Variants in PSG8 observed in about 807,000 individuals in gnomAD.
PSG8 encodes pregnancy specific beta-1-glycoprotein 8, also known as pregnancy-specific beta-1-glycoprotein 8.
In PSG8, 57 loss-of-function variants were observed where a neutral mutation model predicts 42.5. The observed-to-expected ratio is 1.34, with a 90% CI of 1.08 to 1.67. The LOEUF is 1.67. Ranked by LOEUF, PSG8 falls within the 40% of genes most tolerant of loss-of-function variation. The probability of loss-of-function intolerance (pLI) is 0.00; values close to 1 mark genes in which losing one functional copy is unlikely to be tolerated. For missense variants in PSG8, 783 were observed against 518.6 expected (o/e 1.51, Z -4.95); for synonymous variants, 280 against 196.8 (o/e 1.42, Z -3.54).
intron 2 of PSG8, 93 bp from the exon 3 acceptor site, chr19:42,758,373 A>G (rs1365368747): frequency 6.5e-7 from 1 of 1,545,668 alleles, no homozygotes; most frequent in South Asian, 1.3e-5. Flanking sequence ...CCCACCTCTC[A>G]GCCCACCCAA....
downstream of PSG8, chr19:42,753,805 C>T: frequency 2.4e-6 from 1 of 424,742 alleles, no homozygotes; most frequent in South Asian, 1.9e-5. Flanking sequence ...GAAATGTGTC[C>T]TGTTACAAAG....
intron 2 of PSG8, among the ~76,000 whole-genome samples, chr19:42,759,304 G>C (rs905972908): frequency 3.3e-5 from 5 of 152,084 alleles, no homozygotes; most frequent in Admixed American, 1.3e-4. Flanking sequence ...AGTAGAATAG[G>C]AGTTTCTACG....
rs1373735316 is a variant in PSG8, at chr19:42,764,089, C to T, written c.257G>A (p.Gly86Asp). The change falls in exon 2 of 5, where the codon GGT becomes GAT. Residue 86 changes from glycine to aspartate, a missense_variant. Gly to Asp is a moderately conservative substitution (Grantham distance 94). Coordinates refer to ENST00000306511, the MANE Select transcript of PSG8 (RefSeq NM_182707.3). ...TGCAGGCCCATATATAATTATTTGA[C>T]CGTCTACTACATATGATGTAATGTA... Reference protein sequence around the residue: ...YHYITSYVVDGQIIIYGPAYS... With the variant: ...YHYITSYVVDDQIIIYGPAYS... 14 of 1,613,768 alleles carry T rather than the reference C, an allele frequency of 8.7e-6. No individual in the cohort carries two copies. The highest frequency in any genetic ancestry group is 1.7e-5 in the Admixed American group (1 of 59,986).
At chr19:42,763,814 C>A in intron 2 of PSG8, 102 bp downstream of exon 2, 1 of 1,590,214 alleles carries the variant, frequency 6.3e-7, no homozygotes, top group South Asian at 1.1e-5. Flanking sequence ...GGACATAATG[C>A]AGAGAGGGAC....
chr19:42,765,255 T>A (rs545546881), intron 1 of PSG8, among the ~76,000 whole-genome samples: 220 of 151,836 alleles, frequency 1.4e-3, no homozygotes, highest in African/African-American at 4.9e-3. Context: ...TGGGTTCACG[T>A]GATTCTTCTG....
Position 42,760,542 on chromosome 19 carries a change from C to A in PSG8, c.431-2262G>T, listed in dbSNP as rs774143592. Among the ~76,000 whole-genome samples, 21 of 152,084 alleles carry A rather than the reference C, an allele frequency of 1.4e-4. 1 individual carries two copies. The highest frequency in any genetic ancestry group is 1.4e-3 in the Admixed American group (21 of 15,270). On this transcript the variant is annotated intron_variant, in intron 2 of 4. Coordinates refer to ENST00000306511, the MANE Select transcript of PSG8 (RefSeq NM_182707.3). ...TAGGGATTCTTTCCTCAGCTGTGTG[C>A]AGTCTACCAGTAAGCATCAAAAGCA...
chr19:42,753,287 GC>G, downstream of PSG8: 1 of 779,956 alleles, frequency 1.3e-6, no homozygotes, highest in African/African-American at 1.7e-5. Flanking sequence ...AGCTTATAGG[GC>G]TTCTGGAACA....
intron 1 of PSG8, among the ~76,000 whole-genome samples, chr19:42,765,106 TC>T (rs1461011102): frequency 2.6e-5 from 4 of 151,732 alleles, no homozygotes; most frequent in African/African-American, 9.7e-5. Flanking sequence ...CTGGTGTATT[TC>T]CCCCTATCCA....
rs764199390 is a variant in PSG8, at chr19:42,754,541, A to G, written c.1035T>C (p.Arg345=). ...PRIYPSFTYY[R]SGEVLYLSCS... ...AGGACAAGTAGAGGACTTCTCCTGA[A>G]CGGTAATAGGTGAATGAAGGGTAAA... Residue 345 remains arginine (R), a synonymous_variant, in exon 5 of 5, where the codon CGT becomes CGC. Coordinates refer to ENST00000306511, the MANE Select transcript of PSG8 (RefSeq NM_182707.3). The G allele has an allele frequency of 4.2e-5, 67 of 1,613,638 alleles. 1 individual carries two copies. The highest frequency in any genetic ancestry group is 5.5e-5 in the Non-Finnish European group (65 of 1,179,770).
intron 2 of PSG8, among the ~76,000 whole-genome samples, chr19:42,761,179 G>T (rs931973510): frequency 5.3e-5 from 8 of 152,184 alleles, no homozygotes; most frequent in Non-Finnish European, 1.0e-4. Flanking sequence ...CTAGTCTCAG[G>T]CTGGCTGTCC....
At chr19:42,759,463 GT>G (rs1450102383) in intron 2 of PSG8, among the ~76,000 whole-genome samples, 14 of 152,170 alleles carry the variant, frequency 9.2e-5, no homozygotes, top group African/African-American at 3.4e-4. Context: ...AAAACAAAGT[GT>G]TTTGGATTTC....
downstream of PSG8, chr19:42,753,253 A>G: frequency 1.3e-6 from 1 of 778,796 alleles, no homozygotes; most frequent in Admixed American, 1.7e-5. Context: ...TTCCCATGAA[A>G]TTTACATTGA....
Position 42,757,768 on chromosome 19 carries a change from C to G in PSG8, c.709+234G>C, listed in dbSNP as rs1432349011. On this transcript the variant is annotated intron_variant, in intron 3 of 4. Transcript: ENST00000306511. ...GAGCCTGAGACATTCACCTGTTTCTCCCATCACAAGCTGTGGACGCTGAGT... is the reference window on the plus strand; with the variant it reads ...GAGCCTGAGACATTCACCTGTTTCTGCCATCACAAGCTGTGGACGCTGAGT... Among the ~76,000 whole-genome samples the G allele has an allele frequency of 6.6e-5, 10 of 152,168 alleles. 1 individual carries two copies. Among genetic ancestry groups the G allele is most frequent in the Non-Finnish European group, 1.2e-4 (8 of 68,026 alleles).
intron 3 of PSG8, chr19:42,756,228 C>G (rs570580103): frequency 2.0e-5 from 3 of 152,154 alleles, no homozygotes; most frequent in African/African-American, 7.2e-5. Context: ...CTCTGATTCC[C>G]TGGATTCGAC....
chr19:42,760,553 T>G (rs1298216052), intron 2 of PSG8, among the ~76,000 whole-genome samples: 2 of 152,070 alleles, frequency 1.3e-5, no homozygotes, highest in Non-Finnish European at 2.9e-5. Flanking sequence ...AGTCTACCAG[T>G]AAGCATCAAA....
chr19:42,759,005 C>G (rs1788510291), intron 2 of PSG8: 1 of 152,726 alleles, frequency 6.5e-6, no homozygotes, highest in Admixed American at 6.5e-5. Flanking sequence ...GTTCCCTGTT[C>G]TGGATCCATG....
At position 42,761,627 on chromosome 19, in the gene PSG8, G is replaced by A. The variant is rs377072941; in HGVS notation, c.430+2289C>T. The stretch of plus-strand genomic sequence containing the variant: ...AAGGGCAAACAGATCATTTCCCTCC[G>A]CCCACATGATTCCATCACCAAACAA... On this transcript the variant is annotated intron_variant, in intron 2 of 4. Transcript: ENST00000306511. Among the ~76,000 whole-genome samples, 38 of 151,824 alleles carry A rather than the reference G, an allele frequency of 2.5e-4. 1 individual carries two copies. The highest frequency in any genetic ancestry group is 8.5e-4 in the African/African-American group (35 of 41,386).
At chr19:42,756,049 G>C (rs1207093855) in intron 3 of PSG8, 1 of 152,366 alleles carries the variant, frequency 6.6e-6, no homozygotes, top group Non-Finnish European at 1.5e-5. Context: ...GGACCATGTG[G>C]ATCTTTCCAG....
At chr19:42,754,927 G>T (rs1969879210) in intron 4 of PSG8, 61 bp downstream of exon 4, 1 of 1,574,042 alleles carries the variant, frequency 6.4e-7, no homozygotes, top group Non-Finnish European at 8.6e-7. Flanking sequence ...GAGAGGCCTG[G>T]CCTCTGGTCG....
Sources: gnomAD v4.1 joint callset for allele counts (sites outside exome capture counted in the v4.1 genomes callset) on GRCh38, gnomAD v4.1.1 for gene constraint, MANE v1.5 for transcripts, NCBI Gene and HGNC (gene_info 2026-07-23, HGNC 2026-07-21) for gene names.